ZMAT4: variants seen among roughly 807,000 people sequenced by gnomAD.
ZMAT4 encodes the protein zinc finger matrin-type 4, also known as zinc finger matrin-type protein 4.
A neutral mutation model predicts 28.7 loss-of-function variants in ZMAT4; 17 were observed. The ratio of observed to expected loss-of-function variants is 0.59; its 90% confidence interval spans 0.41 to 0.89. The LOEUF is 0.89. Among genes scored for constraint, ZMAT4 ranks in the 40% least tolerant of loss-of-function variants. The pLI is 0.00. For missense variants in ZMAT4, 240 were observed against 283.8 expected, an observed-to-expected ratio of 0.85 and a Z score of 1.11; for synonymous variants, 117 against 109.2, an observed-to-expected ratio of 1.07 and a Z score of -0.44.
At position 40,819,319 on chromosome 8, in the gene ZMAT4, T is replaced by C. The variant is rs547433149; in HGVS notation, c.102+6256A>G. ...TGAAGAAATGCCTTTGCCATAACTATAAAACTATCACCCATAACCCATATC... is the reference window on the plus strand; with the variant it reads ...TGAAGAAATGCCTTTGCCATAACTACAAAACTATCACCCATAACCCATATC... On this transcript the variant is annotated intron_variant, in intron 2 of 6. Transcript: ENST00000297737. Among the ~76,000 whole-genome samples, 13 of 152,294 alleles carry C rather than the reference T, an allele frequency of 8.5e-5. No individual in the cohort carries two copies. In the South Asian group the frequency reaches 2.7e-3, roughly 32 times the overall value.
At chr8:40,773,704 G>T (rs1813480269) in intron 2 of ZMAT4, among the ~76,000 whole-genome samples, 1 of 152,126 alleles carries the variant, frequency 6.6e-6, no homozygotes, top group Non-Finnish European at 1.5e-5. Context: ...TAAGGTATTA[G>T]GGTCTGAGTT....
intron 6 of ZMAT4, among the ~76,000 whole-genome samples, chr8:40,580,202 CG>C (rs1563349202): frequency 1.3e-5 from 2 of 151,666 alleles, no homozygotes; most frequent in African/African-American, 4.8e-5. Context: ...TTAGTAGAGA[CG>C]GGGTTTCACC....
chr8:40,708,736 G>A (rs1002090261), intron 3 of ZMAT4, among the ~76,000 whole-genome samples: 6 of 144,464 alleles, frequency 4.2e-5, no homozygotes, highest in Non-Finnish European at 7.5e-5. Flanking sequence ...TGCAACCTCC[G>A]CCACCCAGGT....
At chr8:40,635,125 T>C (rs563710359) in intron 5 of ZMAT4, among the ~76,000 whole-genome samples, 1 of 152,258 alleles carries the variant, frequency 6.6e-6, no homozygotes, top group African/African-American at 2.4e-5. Flanking sequence ...AAAAATCTGG[T>C]AAACAACAGT....
intron 3 of ZMAT4, among the ~76,000 whole-genome samples, chr8:40,710,103 G>C (rs1450733427): frequency 6.6e-6 from 1 of 150,510 alleles, no homozygotes; most frequent in Non-Finnish European, 1.5e-5. Context: ...TATATAAATA[G>C]ATATAATTAA....
At chr8:40,601,634 G>GAAAGAGAAAGAA (rs1475549047) in intron 5 of ZMAT4, among the ~76,000 whole-genome samples, 5 of 26,886 alleles carry the variant, frequency 1.9e-4, no homozygotes, top group African/African-American at 4.8e-4. Flanking sequence ...AAGAAAGAAA[G>GAAAGAGAAAGAA]AGAAAGAAAG....
intron 6 of ZMAT4, among the ~76,000 whole-genome samples, chr8:40,575,763 G>A (rs1056133535): frequency 2.0e-5 from 3 of 151,212 alleles, no homozygotes; most frequent in African/African-American, 7.3e-5. Flanking sequence ...GAAAAGTGAA[G>A]GAAACATGAC....
At chr8:40,841,043 C>T (rs983407598) in intron 1 of ZMAT4, among the ~76,000 whole-genome samples, 2 of 152,186 alleles carry the variant, frequency 1.3e-5, no homozygotes, top group African/African-American at 4.8e-5. Context: ...CAATAGAACC[C>T]TGTTGGATGC....
intron 4 of ZMAT4, among the ~76,000 whole-genome samples, chr8:40,679,642 C>T (rs2150477810): frequency 6.6e-6 from 1 of 152,246 alleles, no homozygotes; most frequent in Admixed American, 6.5e-5. Context: ...CAATTACTTC[C>T]CACTGGGTCC....
intron 6 of ZMAT4, among the ~76,000 whole-genome samples, chr8:40,565,570 ATT>A (rs1422727702): frequency 6.6e-6 from 1 of 150,964 alleles, no homozygotes; most frequent in Non-Finnish European, 1.5e-5. Flanking sequence ...TACAGATGGG[ATT>A]TCACCATGTT....
intron 2 of ZMAT4, among the ~76,000 whole-genome samples, chr8:40,768,479 C>A (rs72641523): frequency 6.6e-6 from 1 of 152,162 alleles, no homozygotes; most frequent in East Asian, 1.9e-4. Context: ...ATTCCCATCA[C>A]GTTTAAAGAA....
chr8:40,631,409 C>T (rs1024691556), intron 5 of ZMAT4, among the ~76,000 whole-genome samples: 9 of 152,154 alleles, frequency 5.9e-5, no homozygotes, highest in South Asian at 2.1e-4. Flanking sequence ...CCACCCACCT[C>T]GGCCTCCCAA....
chr8:40,851,553 T>C (rs1357606412), intron 1 of ZMAT4, among the ~76,000 whole-genome samples: 1 of 152,150 alleles, frequency 6.6e-6, no homozygotes, highest in Non-Finnish European at 1.5e-5. Context: ...GAGTGAAGGG[T>C]TTATAAATAC....
At chr8:40,557,351 A>T (rs779007088) in intron 6 of ZMAT4, among the ~76,000 whole-genome samples, 1 of 151,516 alleles carries the variant, frequency 6.6e-6, no homozygotes, top group East Asian at 1.9e-4. Context: ...TCTAGCTCCT[A>T]CTCCTACTCT....
At position 40,631,143 on chromosome 8, in the gene ZMAT4, G is replaced by C. The variant is rs187870857; in HGVS notation, c.577+43561C>G. ...AATATGAGAGGTGGGAGGTGGGAAG[G>C]CTTATAGGCATGATCTACTTTATTT... On this transcript the variant is annotated intron_variant, in intron 5 of 6. Coordinates refer to ENST00000297737, the MANE Select transcript of ZMAT4 (RefSeq NM_024645.3). 3.7e-4 allele frequency among the ~76,000 whole-genome samples: 57 copies of C among 152,066 alleles called. No individual in the cohort carries two copies. In the Middle Eastern group the frequency reaches 0.014, roughly 36 times the overall value.
intron 6 of ZMAT4, among the ~76,000 whole-genome samples, chr8:40,574,543 G>T (rs1332548794): frequency 6.6e-6 from 1 of 152,128 alleles, no homozygotes; most frequent in African/African-American, 2.4e-5. Flanking sequence ...CCTGGCATTT[G>T]TTCCTCCCAC....
intron 5 of ZMAT4, among the ~76,000 whole-genome samples, chr8:40,612,167 G>T (rs1229042151): frequency 6.6e-6 from 1 of 152,134 alleles, no homozygotes; most frequent in African/African-American, 2.4e-5. Flanking sequence ...ATGTACATAA[G>T]GTACCCAGCA....
intron 5 of ZMAT4, among the ~76,000 whole-genome samples, chr8:40,589,760 CTTT>C (rs747498227): frequency 1.9e-5 from 1 of 52,912 alleles, no homozygotes; most frequent in Non-Finnish European, 4.4e-5. Context: ...TTCTTTCTTT[CTTT>C]TTCTTTCTTT....
intron 3 of ZMAT4, among the ~76,000 whole-genome samples, chr8:40,751,085 T>A (rs1002823421): frequency 1.3e-5 from 2 of 152,154 alleles, no homozygotes; most frequent in Non-Finnish European, 2.9e-5. Flanking sequence ...CCATAATGTC[T>A]TCCAGATAAG....
Sources: allele counts gnomAD v4.1 joint callset (sites outside exome capture counted in the v4.1 genomes callset), GRCh38; gene constraint gnomAD v4.1.1; transcripts MANE v1.5; gene names NCBI Gene and HGNC (gene_info 2026-07-23, HGNC 2026-07-21).